Variants in NUP153 observed in about 807,000 individuals in gnomAD.
NUP153 encodes nuclear pore complex protein Nup153.
In NUP153, 27 loss-of-function variants were observed where a neutral mutation model predicts 134.6. The ratio of observed to expected loss-of-function variants is 0.20; its 90% CI spans 0.15 to 0.28. NUP153 has a LOEUF of 0.28. Ranked by LOEUF, NUP153 falls within the 10% of genes least tolerant of loss-of-function variation. The pLI, the probability that NUP153 is intolerant of heterozygous loss-of-function variation, is 1.00. For missense variants in NUP153, 1,821 were observed against 1,731.3 expected (o/e 1.05, Z -0.92); for synonymous variants, 640 against 623.5 (o/e 1.03, Z -0.40).
intron 20 of NUP153, 123 bp from the exon 21 acceptor site, chr6:17,616,818 T>C: frequency 1.2e-6 from 1 of 858,158 alleles, no homozygotes; most frequent in Non-Finnish European, 1.8e-6. Flanking sequence ...GGCACAATCT[T>C]GGCTCACTGC....
intron 11 of NUP153, among the ~76,000 whole-genome samples, chr6:17,659,327 T>C (rs1767033925): frequency 6.6e-6 from 1 of 152,242 alleles, no homozygotes; most frequent in Non-Finnish European, 1.5e-5. Context: ...GTGTTGATTG[T>C]AGTGGTTCCT....
At chr6:17,652,802 T>C (rs1210700731) in intron 11 of NUP153, among the ~76,000 whole-genome samples, 2 of 151,968 alleles carry the variant, frequency 1.3e-5, no homozygotes, top group African/African-American at 4.8e-5. Context: ...GGCAGGTGGA[T>C]CACCTAAGGT....
Position 17,625,896 on chromosome 6 carries a change from G to A in NUP153, c.3813C>T (p.Thr1271=). ...TGGCTCCTGGACCAAAGACAAATGG[G>A]GTGACAGCTGTACCTGTGCTGGATG... is the stretch of plus-strand genomic sequence containing the variant. ...ATTSSTGTAV[T]PFVFGPGASS... is the part of the protein sequence containing the mutation. The change falls in exon 19 of 22, where the codon ACC becomes ACT. Residue 1271 remains threonine (T), a synonymous_variant. Coordinates refer to ENST00000262077, the MANE Select transcript of NUP153 (RefSeq NM_005124.4). This position sits in a 1 kb window ranked among gnomAD's most constrained non-coding sequence, Gnocchi z 4.7. The A allele has an allele frequency of 1.9e-6, 3 of 1,614,196 alleles. No individual in the cohort carries two copies. Among genetic ancestry groups the A allele is most frequent in the Non-Finnish European group, 2.5e-6 (3 of 1,180,036 alleles).
intron 2 of NUP153, among the ~76,000 whole-genome samples, chr6:17,685,981 C>T (rs888222485): frequency 6.6e-6 from 1 of 151,792 alleles, no homozygotes; most frequent in Admixed American, 6.6e-5. Context: ...CTCGTCTCCA[C>T]AAAAAAATTA....
In NUP153 at chr6:17,669,299, C is replaced by G; in HGVS notation, c.1008G>C (p.Leu336=). Residue 336 remains leucine, a synonymous_variant, in exon 7 of 22, where the codon CTG becomes CTC. Coordinates refer to ENST00000262077, the MANE Select transcript of NUP153 (RefSeq NM_005124.4). The part of the protein sequence containing the change: ...KRIPSIVSSP[L]NSPLDRSGID... ...GGTTTAAATCTCAACTTACAGAATT[C>G]AGAGGAGAAGAAACAATGGATGGAA... The G allele has an allele frequency of 6.2e-7, 1 of 1,610,016 alleles. No homozygotes were observed. Among genetic ancestry groups the G allele is most frequent in the Non-Finnish European group, 8.5e-7 (1 of 1,176,704 alleles).
chr6:17,642,634 T>C (rs982122654), intron 14 of NUP153, among the ~76,000 whole-genome samples: 1 of 152,196 alleles, frequency 6.6e-6, no homozygotes, highest in African/African-American at 2.4e-5. Flanking sequence ...TAGTGATTCT[T>C]CAAAAAGTTT....
intron 17 of NUP153, among the ~76,000 whole-genome samples, chr6:17,631,656 T>G (rs1039735925): frequency 1.3e-5 from 2 of 152,194 alleles, no homozygotes; most frequent in Admixed American, 1.3e-4. Flanking sequence ...CTTACTCTTT[T>G]ACAGAAGACT....
intron 8 of NUP153, 67 bp from the exon 9 acceptor site, chr6:17,665,452 G>T: frequency 7.6e-7 from 1 of 1,310,388 alleles, no homozygotes; most frequent in South Asian, 1.3e-5. Context: ...TCTAAATTTT[G>T]ACAATAGCTA....
intron 16 of NUP153, among the ~76,000 whole-genome samples, chr6:17,635,603 T>C (rs1332704278): frequency 2.6e-5 from 4 of 152,196 alleles, no homozygotes; most frequent in African/African-American, 9.6e-5. Context: ...TGCTTCACCA[T>C]GCTGCTCGGG....
At chr6:17,697,226 G>C (rs1159938587) in intron 1 of NUP153, among the ~76,000 whole-genome samples, 6 of 152,180 alleles carry the variant, frequency 3.9e-5, no homozygotes, top group Admixed American at 3.9e-4. Context: ...CTCCAAGAAA[G>C]AAGGGTTCTT....
intron 13 of NUP153, 33 bp from the exon 14 acceptor site, chr6:17,646,187 T>C: frequency 8.9e-7 from 1 of 1,128,294 alleles, no homozygotes; most frequent in Non-Finnish European, 1.3e-6. Context: ...TATACTTCGT[T>C]TTCAATAAGT....
Position 17,682,694 on chromosome 6 carries a change from A to C in NUP153, c.334+5702T>G, listed in dbSNP as rs947361171. On this transcript the variant is annotated intron_variant, in intron 2 of 21. Coordinates refer to ENST00000262077, the MANE Select transcript of NUP153 (RefSeq NM_005124.4). ...AGCACTTCGGGAGGCTGAGGGGTGCAGATCACTAGGTCAGGAGCTCGAGAC... is the reference window on the plus strand; with the variant it reads ...AGCACTTCGGGAGGCTGAGGGGTGCCGATCACTAGGTCAGGAGCTCGAGAC... Among the ~76,000 whole-genome samples the C allele has an allele frequency of 2.0e-5, 3 of 152,190 alleles. No individual in the cohort carries two copies. In the South Asian group the frequency reaches 6.2e-4, roughly 32 times the overall value.
chr6:17,657,398 A>T (rs1327713673), intron 11 of NUP153, among the ~76,000 whole-genome samples: 11 of 149,252 alleles, frequency 7.4e-5, no homozygotes, highest in African/African-American at 7.6e-5. Context: ...AAAAATAAAA[A>T]AATAAAAAAA....
chr6:17,660,848 G>A (rs1380373272), intron 11 of NUP153, among the ~76,000 whole-genome samples: 6 of 152,178 alleles, frequency 3.9e-5, no homozygotes, highest in Admixed American at 3.9e-4. Context: ...CACGTGTGCA[G>A]ACAGAAAAGT....
chr6:17,684,419 C>T (rs903060784), intron 2 of NUP153, among the ~76,000 whole-genome samples: 2 of 152,200 alleles, frequency 1.3e-5, no homozygotes, highest in African/African-American at 4.8e-5. Context: ...TTTATCATCT[C>T]CCTCAGACTT....
intron 8 of NUP153, among the ~76,000 whole-genome samples, chr6:17,668,069 CTTTTTT>C (rs762142682): frequency 6.9e-5 from 6 of 87,236 alleles, no homozygotes; most frequent in Admixed American, 2.7e-4. Context: ...GTTTACTGAA[CTTTTTT>C]TTTTTTTTTT....
chr6:17,627,786 C>G (rs1467049548), intron 18 of NUP153, among the ~76,000 whole-genome samples: 1 of 152,210 alleles, frequency 6.6e-6, no homozygotes, highest in East Asian at 1.9e-4. Context: ...AATCTGATAC[C>G]TGCCTATTTG....
At chr6:17,667,381 T>A (rs1224158175) in intron 8 of NUP153, among the ~76,000 whole-genome samples, 1 of 152,198 alleles carries the variant, frequency 6.6e-6, no homozygotes, top group Non-Finnish European at 1.5e-5. Context: ...ATTTAAATAA[T>A]TACTTTTGAG....
intron 1 of NUP153, among the ~76,000 whole-genome samples, chr6:17,704,210 T>C (rs985773070): frequency 5.9e-5 from 9 of 151,996 alleles, no homozygotes; most frequent in Non-Finnish European, 5.9e-5. Flanking sequence ...GAGAATGGCA[T>C]TAACCCGGGA....
Sources: allele counts gnomAD v4.1 joint callset (sites outside exome capture counted in the v4.1 genomes callset), GRCh38; gene constraint gnomAD v4.1.1; non-coding constraint Gnocchi (gnomAD v3.1); transcripts MANE v1.5; gene names NCBI Gene and HGNC (gene_info 2026-07-23, HGNC 2026-07-21).